Variants in BACH2 observed in about 807,000 individuals in gnomAD.
BACH2 encodes the protein transcription regulator protein BACH2.
Under a neutral mutation model 61.8 loss-of-function variants are expected in BACH2, and 5 were observed. The ratio of observed to expected loss-of-function variants is 0.08; its 90% CI spans 0.04 to 0.17. The LOEUF (loss-of-function observed/expected upper bound fraction) is 0.17. BACH2 is among the 10% of genes least tolerant of loss of function. The pLI is 1.00. For synonymous variants in BACH2, 446 were observed against 440.1 expected, an observed-to-expected ratio of 1.01 and a Z score of -0.17; for missense variants, 824 against 1,091.1, an observed-to-expected ratio of 0.76 and a Z score of 3.45.
At chr6:89,939,365 C>T (rs1344344937) in intron 7 of BACH2, among the ~76,000 whole-genome samples, 2 of 152,174 alleles carry the variant, frequency 1.3e-5, no homozygotes, top group Non-Finnish European at 2.9e-5. Context: ...GATCTTCAGC[C>T]CAAACTGCTC....
At chr6:89,985,472 TA>T (rs1562346318) in intron 6 of BACH2, among the ~76,000 whole-genome samples, 1 of 152,078 alleles carries the variant, frequency 6.6e-6, no homozygotes. Context: ...GGCGGGACAC[TA>T]AGATTCTCAC....
At chr6:90,097,734 A>G (rs1393029768) in intron 4 of BACH2, among the ~76,000 whole-genome samples, 1 of 152,192 alleles carries the variant, frequency 6.6e-6, no homozygotes, top group African/African-American at 2.4e-5. Flanking sequence ...CACCAAGTAC[A>G]TTTGTTTCGT....
intron 3 of BACH2, among the ~76,000 whole-genome samples, chr6:90,219,603 C>A (rs144654346): frequency 6.6e-6 from 1 of 152,202 alleles, no homozygotes; most frequent in African/African-American, 2.4e-5. Flanking sequence ...ATTGTAAACA[C>A]GCCAGAGGGC....
At chr6:90,167,900 G>A (rs1305255503) in intron 4 of BACH2, among the ~76,000 whole-genome samples, 2 of 152,172 alleles carry the variant, frequency 1.3e-5, no homozygotes, top group African/African-American at 4.8e-5. Flanking sequence ...TCTTTGAAAA[G>A]ACAATTGGGC....
intron 4 of BACH2, among the ~76,000 whole-genome samples, chr6:90,179,060 A>G (rs974057219): frequency 6.6e-6 from 1 of 152,202 alleles, no homozygotes; most frequent in Admixed American, 6.5e-5. Flanking sequence ...TGAGCACTAC[A>G]TGAACTGCCC....
intron 6 of BACH2, among the ~76,000 whole-genome samples, chr6:89,971,564 G>A (rs146674179): frequency 1.3e-5 from 2 of 152,246 alleles, no homozygotes; most frequent in East Asian, 3.9e-4. Context: ...TACTTACAGG[G>A]TGTGTAAGTC....
At chr6:90,294,988 T>C (rs551437935) in intron 1 of BACH2, among the ~76,000 whole-genome samples, 1 of 152,242 alleles carries the variant, frequency 6.6e-6, no homozygotes, top group Non-Finnish European at 1.5e-5. Flanking sequence ...TCTAAAGTAA[T>C]TACCCTTTTT....
At chr6:90,033,722 A>G (rs1397590825) in intron 5 of BACH2, among the ~76,000 whole-genome samples, 1 of 152,178 alleles carries the variant, frequency 6.6e-6, no homozygotes, top group Non-Finnish European at 1.5e-5. Context: ...GTAAGTTTCT[A>G]AAGGAGACAC....
chr6:90,261,518 A>G (rs1263112722), intron 2 of BACH2, among the ~76,000 whole-genome samples: 2 of 152,138 alleles, frequency 1.3e-5, no homozygotes, highest in African/African-American at 4.8e-5. Flanking sequence ...TGAACCTACC[A>G]GTTGACACAT....
At chr6:90,258,439 T>C (rs1422040696) in intron 2 of BACH2, among the ~76,000 whole-genome samples, 1 of 152,200 alleles carries the variant, frequency 6.6e-6, no homozygotes, top group Admixed American at 6.5e-5. Flanking sequence ...TTTTTATGCC[T>C]GTATAATACT....
chr6:90,039,620 G>A (rs969707882), intron 5 of BACH2, among the ~76,000 whole-genome samples: 1 of 152,048 alleles, frequency 6.6e-6, no homozygotes, highest in Non-Finnish European at 1.5e-5. Context: ...TCCTGACCTC[G>A]TGATCTGCTC....
chr6:90,137,651 G>A (rs911664459), intron 4 of BACH2, among the ~76,000 whole-genome samples: 6 of 152,168 alleles, frequency 3.9e-5, no homozygotes, highest in Non-Finnish European at 8.8e-5. Context: ...TTAACTCCAT[G>A]AGCTCATTTT....
intron 5 of BACH2, among the ~76,000 whole-genome samples, chr6:90,072,443 A>G (rs1224386220): frequency 6.6e-6 from 1 of 152,160 alleles, no homozygotes; most frequent in Non-Finnish European, 1.5e-5. Flanking sequence ...TTGAAATGAG[A>G]TATTTTAGGA....
At chr6:90,084,527 C>T (rs1781848953) in intron 5 of BACH2, among the ~76,000 whole-genome samples, 1 of 144,718 alleles carries the variant, frequency 6.9e-6, no homozygotes, top group Non-Finnish European at 1.5e-5. Context: ...CTACAAAAAT[C>T]TTTAATTCCA....
intron 5 of BACH2, among the ~76,000 whole-genome samples, chr6:90,021,772 C>A (rs184444759): frequency 1.3e-5 from 2 of 152,292 alleles, no homozygotes; most frequent in Admixed American, 1.3e-4. Flanking sequence ...GAAAAGCAAT[C>A]CAATTTCAGT....
At chr6:90,080,916 G>A (rs967110996) in intron 5 of BACH2, 1 of 304,252 alleles carries the variant, frequency 3.3e-6, no homozygotes, top group African/African-American at 2.3e-5. Context: ...GTCCACTATC[G>A]CCAGAACTTC....
chr6:90,296,160 T>G, intron 1 of BACH2, among the ~76,000 whole-genome samples: 1 of 152,004 alleles, frequency 6.6e-6, no homozygotes, highest in East Asian at 2.0e-4. Flanking sequence ...TCTCTGCTCC[T>G]CCTCCCTCTG....
chr6:89,961,069 C>T (rs968948170), intron 6 of BACH2, among the ~76,000 whole-genome samples: 4 of 152,078 alleles, frequency 2.6e-5, no homozygotes, highest in Non-Finnish European at 5.9e-5. Flanking sequence ...TCATATGTGG[C>T]GCTCATAATT....
At chr6:90,098,719 T>G (rs1162526035) in intron 4 of BACH2, among the ~76,000 whole-genome samples, 1 of 152,208 alleles carries the variant, frequency 6.6e-6, no homozygotes, top group Non-Finnish European at 1.5e-5. Context: ...TCTCTTTGTC[T>G]ACAAGCCCCT....
Sources: gnomAD v4.1 joint callset for allele counts (sites outside exome capture counted in the v4.1 genomes callset) on GRCh38, gnomAD v4.1.1 for gene constraint, MANE v1.5 for transcripts, NCBI Gene and HGNC (gene_info 2026-07-23, HGNC 2026-07-21) for gene names.